The following OLA1 variants were observed in gnomAD, a reference collection of about 807,000 sequenced individuals.
OLA1 encodes the protein Obg like ATPase 1, also known as obg-like ATPase 1.
A neutral mutation model predicts 48.4 loss-of-function variants in OLA1; 14 were observed. The ratio of observed to expected loss-of-function variants is 0.29; its 90% CI spans 0.19 to 0.45. OLA1 has a LOEUF of 0.45. Ranked by LOEUF, OLA1 falls within the 20% of genes least tolerant of loss-of-function variation. The probability of loss-of-function intolerance (pLI) is 1.00; values close to 1 mark genes in which losing one functional copy is unlikely to be tolerated. For synonymous variants in OLA1, 127 were observed against 150.4 expected (o/e 0.84, Z 1.14); for missense variants, 325 against 467.1 (o/e 0.70, Z 2.80).
chr2:174,097,784 G>A (rs1685292659), intron 7 of OLA1, among the ~76,000 whole-genome samples: 1 of 151,822 alleles, frequency 6.6e-6, no homozygotes, highest in Non-Finnish European at 1.5e-5. Flanking sequence ...ATGTGGATGC[G>A]TATGACAGAA....
intron 7 of OLA1, among the ~76,000 whole-genome samples, chr2:174,107,769 C>T (rs1015920780): frequency 2.6e-5 from 4 of 151,662 alleles, no homozygotes; most frequent in Non-Finnish European, 5.9e-5. Context: ...ACTATATTCT[C>T]GATTAGATTA....
chr2:174,235,274 A>C (rs899654316), intron 2 of OLA1, among the ~76,000 whole-genome samples: 1 of 152,188 alleles, frequency 6.6e-6, no homozygotes, highest in Non-Finnish European at 1.5e-5. Context: ...TCTGTTATTC[A>C]AAAAGATCAT....
In OLA1 at chr2:174,185,049, T is replaced by C. The variant is rs79706104; in HGVS notation, c.373+37984A>G. ...TCTTTAATTTCAATCTTAACATAAA[T>C]GGTCCAGCTTGGTGGAGCAGATCCC... is the stretch of plus-strand genomic sequence containing the variant. On this transcript the variant is annotated intron_variant, in intron 4 of 10. Coordinates refer to ENST00000284719, the MANE Select transcript of OLA1 (RefSeq NM_013341.5). 7.9e-3 allele frequency among the ~76,000 whole-genome samples: 1,205 copies of C among 152,292 alleles called. 19 individuals carry two copies. The highest frequency in any genetic ancestry group is 0.027 in the African/African-American group (1,133 of 41,568).
intron 7 of OLA1, among the ~76,000 whole-genome samples, chr2:174,120,195 C>T (rs904939537): frequency 6.6e-6 from 1 of 152,046 alleles, no homozygotes; most frequent in African/African-American, 2.4e-5. Context: ...AACAGAGCAG[C>T]AAGGGTGCAA....
intron 7 of OLA1, among the ~76,000 whole-genome samples, chr2:174,109,043 C>T (rs937055685): frequency 3.9e-5 from 6 of 152,090 alleles, no homozygotes; most frequent in African/African-American, 7.2e-5. Flanking sequence ...TTGTCAGGAA[C>T]TACTAATGCA....
At position 174,142,018 on chromosome 2, in the gene OLA1, G is replaced by A; in HGVS notation, c.374-18C>T. 6.2e-7 allele frequency: 1 copy of A among 1,607,952 alleles called. No homozygotes were observed. Among genetic ancestry groups the A allele is most frequent in the East Asian group, 2.2e-5 (1 of 44,694 alleles). ...AAAAGCACCTAAAATGAATTAAAGG[G>A]AAGCAATTCAATAAACAAATAATAC... On this transcript the variant is annotated intron_variant, in intron 4 of 10. Transcript: ENST00000284719.
chr2:174,231,267 T>C (rs773092033), intron 2 of OLA1, among the ~76,000 whole-genome samples: 1 of 152,244 alleles, frequency 6.6e-6, no homozygotes, highest in Non-Finnish European at 1.5e-5. Context: ...GAAAATATTG[T>C]ATACCTACAA....
chr2:174,132,142 A>AT (rs1316488770), intron 5 of OLA1, among the ~76,000 whole-genome samples: 2 of 152,040 alleles, frequency 1.3e-5, no homozygotes, highest in African/African-American at 2.4e-5. Context: ...ATTCATTGCC[A>AT]TAAGTTGCTT....
chr2:174,073,681 T>C lies in OLA1; in HGVS notation c.*1745A>G, dbSNP rs1006603326. ...TTGCATGATCCTAATGTCTTTTTAC[T>C]GATTTCAAACTTCTTTAAGAAGTCC... On this transcript the variant is annotated 3_prime_UTR_variant, in exon 11 of 11. Coordinates refer to ENST00000284719, the MANE Select transcript of OLA1 (RefSeq NM_013341.5). The C allele has an allele frequency of 5.3e-5, 8 of 152,260 alleles. No individual in the cohort carries two copies. Among genetic ancestry groups the C allele is most frequent in the African/African-American group, 1.9e-4 (8 of 41,476 alleles). 9.4% of individuals were successfully genotyped at this position (152,260 alleles called of 1,614,324 possible). A position where few individuals can be genotyped will look rare whatever the true frequency, so the allele number is the denominator to read the frequency against.
At chr2:174,160,846 G>T (rs1686992631) in intron 4 of OLA1, among the ~76,000 whole-genome samples, 1 of 152,160 alleles carries the variant, frequency 6.6e-6, no homozygotes, top group Non-Finnish European at 1.5e-5. Context: ...TGAAATTAAA[G>T]CAAATTACTC....
chr2:174,243,292 T>C (rs1689050367), intron 2 of OLA1, among the ~76,000 whole-genome samples: 2 of 152,094 alleles, frequency 1.3e-5, no homozygotes, highest in Admixed American at 1.3e-4. Flanking sequence ...CCAGGCACGG[T>C]GTTTTGTGTG....
intron 2 of OLA1, among the ~76,000 whole-genome samples, chr2:174,238,943 T>G (rs1688929772): frequency 6.6e-6 from 1 of 152,078 alleles, no homozygotes; most frequent in East Asian, 1.9e-4. Context: ...TATGGGCAAT[T>G]AGAGTGACAA....
At chr2:174,238,463 C>T (rs1405184495) in intron 2 of OLA1, among the ~76,000 whole-genome samples, 2 of 147,640 alleles carry the variant, frequency 1.4e-5, no homozygotes, top group African/African-American at 2.5e-5. Context: ...CACAGAACTC[C>T]AGCCTGGGCA....
intron 4 of OLA1, among the ~76,000 whole-genome samples, chr2:174,176,517 A>G (rs72906414): frequency 0.055 from 8,401 of 152,210 alleles, 337 homozygotes; most frequent in Middle Eastern, 0.11. Flanking sequence ...AGGGGAACCA[A>G]TTTGCTATAG....
intron 4 of OLA1, among the ~76,000 whole-genome samples, chr2:174,208,270 G>A (rs1430214916): frequency 6.6e-6 from 1 of 152,180 alleles, no homozygotes; most frequent in Admixed American, 6.5e-5. Context: ...CTTCAGAATC[G>A]CTTAAAAATA....
rs369800917 is a variant in OLA1, at chr2:174,075,495, A to G, written c.1122T>C (p.Asn374=). 4.3e-6 allele frequency: 7 copies of G among 1,610,714 alleles called. No homozygotes were observed. The highest frequency in any genetic ancestry group is 5.9e-6 in the Non-Finnish European group (7 of 1,177,478). ...AAGKYRQQGR[N]YIVEDGDIIF... is the part of the protein sequence containing the mutation. ...TAATATCTCCATCTTCAACAATATA[A>G]TTTCTGCCTTGTTGTCTGTACTTTC... The change falls in exon 11 of 11, where the codon AAT becomes AAC. Residue 374 remains asparagine, a synonymous_variant. Transcript: ENST00000284719.
At chr2:174,166,095 A>T (rs1053072265) in intron 4 of OLA1, among the ~76,000 whole-genome samples, 6 of 150,810 alleles carry the variant, frequency 4.0e-5, no homozygotes, top group Non-Finnish European at 8.8e-5. Context: ...ACTGCACTCC[A>T]GCCTGGGCAA....
chr2:174,202,780 AAT>A (rs1163011114), intron 4 of OLA1, among the ~76,000 whole-genome samples: 5 of 152,194 alleles, frequency 3.3e-5, no homozygotes, highest in Non-Finnish European at 7.3e-5. Flanking sequence ...TTTTCTTAAT[AAT>A]AGTCTTTCCT....
At chr2:174,195,905 T>A (rs1024928766) in intron 4 of OLA1, among the ~76,000 whole-genome samples, 4 of 152,170 alleles carry the variant, frequency 2.6e-5, no homozygotes, top group Non-Finnish European at 4.4e-5. Flanking sequence ...TCCCGAAACA[T>A]GTTCAGTGAA....
Sources: allele counts gnomAD v4.1 joint callset (sites outside exome capture counted in the v4.1 genomes callset), GRCh38; gene constraint gnomAD v4.1.1; transcripts MANE v1.5; gene names NCBI Gene and HGNC (gene_info 2026-07-23, HGNC 2026-07-21).